Variants in RBFOX2 observed in about 807,000 individuals in gnomAD.
The protein encoded by RBFOX2 is RNA binding protein fox-1 homolog 2.
RBFOX2 carries 10 observed loss-of-function variants against 49.1 expected under a neutral mutation model. The ratio of observed to expected loss-of-function variants is 0.20; its 90% CI spans 0.13 to 0.35. RBFOX2 has a LOEUF of 0.35. Among genes scored for constraint, RBFOX2 ranks in the 10% least tolerant of loss-of-function variants. The pLI, the probability that RBFOX2 is intolerant of heterozygous loss-of-function variation, is 1.00. For missense variants in RBFOX2, 323 were observed against 486.9 expected (o/e 0.66, Z 3.17); for synonymous variants, 183 against 187.4 (o/e 0.98, Z 0.19).
At chr22:35,966,652 C>A (rs530265998), upstream of RBFOX2, among the ~76,000 whole-genome samples, 163 of 152,172 alleles carry the variant, frequency 1.1e-3, no homozygotes, top group African/African-American at 3.7e-3. Context: ...ATATTTTGCC[C>A]ATTTTGCTAC....
rs58893763 is a variant in RBFOX2, at chr22:35,909,396, A to G, written c.-34+29451T>C. Among the ~76,000 whole-genome samples the G allele has an allele frequency of 3.2e-3, 484 of 152,300 alleles. 1 individual carries two copies. The highest frequency in any genetic ancestry group is 0.011 in the African/African-American group (454 of 41,562). ...GAGTTGAGAGGTTGTAAGGGGAGAA[A>G]AAGAACAACAGCAGTAAAAGGCTTA... is the stretch of plus-strand genomic sequence containing the variant. On this transcript the variant is annotated intron_variant, in intron 1 of 13. Transcript: ENST00000359369.
intron 1 of RBFOX2, among the ~76,000 whole-genome samples, chr22:35,860,666 T>C (rs1251485886): frequency 6.6e-6 from 1 of 152,212 alleles, no homozygotes; most frequent in Non-Finnish European, 1.5e-5. Flanking sequence ...TTGGCTATTC[T>C]AGGTCTTTGG....
chr22:35,858,848 A>AATTAAGCT (rs1465093977), intron 1 of RBFOX2, among the ~76,000 whole-genome samples: 8 of 150,930 alleles, frequency 5.3e-5, no homozygotes, highest in Non-Finnish European at 8.9e-5. Context: ...AAAAAAAAAG[A>AATTAAGCT]ATTAAGCTAA....
In RBFOX2 at chr22:35,746,769, A is replaced by C. The variant is rs145059250; in HGVS notation, c.888-208T>G. The C allele has an allele frequency of 1.6e-3, 635 of 392,632 alleles. 1 individual carries two copies. The highest frequency in any genetic ancestry group is 0.016 in the East Asian group (426 of 27,430). The allele number at this position is 392,632 out of a possible 1,614,324, so 24.3% of individuals were successfully genotyped here. On this transcript the variant is annotated intron_variant, in intron 9 of 11. Transcript: ENST00000405409. The stretch of plus-strand genomic sequence containing the variant: ...AAAAAATTAAGCCCTACGATATGCA[A>C]GGATTTGCTTTCCAATTTGTGATAG...
chr22:35,809,252 G>T (rs1951350182), intron 2 of RBFOX2, among the ~76,000 whole-genome samples: 1 of 152,018 alleles, frequency 6.6e-6, no homozygotes, highest in Non-Finnish European at 1.5e-5. Flanking sequence ...TAAATAACTG[G>T]TCCAAGGTCA....
intron 2 of RBFOX2, among the ~76,000 whole-genome samples, chr22:35,799,082 A>T (rs1169242875): frequency 6.6e-6 from 1 of 152,190 alleles, no homozygotes; most frequent in Non-Finnish European, 1.5e-5. Flanking sequence ...TGTATCCATA[A>T]TATACCAATA....
intron 1 of RBFOX2, among the ~76,000 whole-genome samples, chr22:35,824,726 T>C (rs749176221): frequency 7.2e-5 from 11 of 152,248 alleles, no homozygotes; most frequent in African/African-American, 2.4e-4. Context: ...ATTTTAATAG[T>C]TGTTTAGTAA....
intron 8 of RBFOX2, among the ~76,000 whole-genome samples, chr22:35,760,499 G>T (rs760964130): frequency 3.3e-5 from 5 of 151,996 alleles, no homozygotes; most frequent in Non-Finnish European, 7.4e-5. Flanking sequence ...TTTTTACATG[G>T]TACCAACCTC....
intron 1 of RBFOX2, among the ~76,000 whole-genome samples, chr22:35,970,802 A>C (rs2056829287): frequency 6.6e-6 from 1 of 152,200 alleles, no homozygotes; most frequent in South Asian, 2.1e-4. Flanking sequence ...GTCTATCCTA[A>C]TAAGCTCACA....
chr22:35,740,936 A>G (rs1929635523), exon 12 of RBFOX2: 1 of 152,258 alleles, frequency 6.6e-6, no homozygotes, highest in Non-Finnish European at 1.5e-5. Context: ...AAAAGCTGCT[A>G]TCGATGACTT....
intron 1 of RBFOX2, among the ~76,000 whole-genome samples, chr22:35,988,956 G>A (rs1241466838): frequency 2.0e-5 from 3 of 152,230 alleles, no homozygotes; most frequent in African/African-American, 4.8e-5. Context: ...TTGGGAGACC[G>A]AGGCGGGCAG....
At chr22:36,025,523 T>C (rs1038821849) in intron 1 of RBFOX2, among the ~76,000 whole-genome samples, 6 of 152,218 alleles carry the variant, frequency 3.9e-5, no homozygotes, top group African/African-American at 1.4e-4. Context: ...TGTTCACTAT[T>C]ATATCTCTTA....
chr22:35,896,659 C>A (rs1209484524), intron 1 of RBFOX2, among the ~76,000 whole-genome samples: 1 of 152,200 alleles, frequency 6.6e-6, no homozygotes, highest in Non-Finnish European at 1.5e-5. Context: ...TGAACGCATG[C>A]TTTCCGCAGA....
chr22:35,811,855 T>C, intron 1 of RBFOX2, among the ~76,000 whole-genome samples: 1 of 149,646 alleles, frequency 6.7e-6, no homozygotes, highest in East Asian at 2.0e-4. Flanking sequence ...CAGCTACTTG[T>C]GAGGCTGAGA....
At chr22:36,009,764 T>C (rs2058745080) in intron 1 of RBFOX2, among the ~76,000 whole-genome samples, 1 of 152,200 alleles carries the variant, frequency 6.6e-6, no homozygotes, top group Non-Finnish European at 1.5e-5. Flanking sequence ...AGAGTATCTA[T>C]TACCACAGAG....
rs140170289 is a variant in RBFOX2 at position 35,862,273 on chromosome 22, T to C, written c.-33-52269A>G. On this transcript the variant is annotated intron_variant, in intron 1 of 13. Transcript: ENST00000359369. ...ATTAATTTTATATAGGTGCAGTTCA[T>C]TGTATATCAATTATACCTCCATCGA... is the stretch of plus-strand genomic sequence containing the variant. Among the ~76,000 whole-genome samples the C allele has an allele frequency of 1.3e-3, 202 of 152,152 alleles. 2 individuals carry two copies. The highest frequency in any genetic ancestry group is 4.3e-3 in the African/African-American group (178 of 41,510).
intron 1 of RBFOX2, among the ~76,000 whole-genome samples, chr22:35,850,344 G>A (rs892565508): frequency 6.6e-6 from 1 of 152,046 alleles, no homozygotes; most frequent in African/African-American, 2.4e-5. Flanking sequence ...GCAGTAAGGG[G>A]ATCCCTTTCA....
chr22:35,962,610 T>TC (rs2056298890), upstream of RBFOX2, among the ~76,000 whole-genome samples: 1 of 152,194 alleles, frequency 6.6e-6, no homozygotes. Context: ...CATAACTTCT[T>TC]GAACCACAGG....
At chr22:35,860,905 C>G (rs1235336823) in intron 1 of RBFOX2, among the ~76,000 whole-genome samples, 1 of 152,142 alleles carries the variant, frequency 6.6e-6, no homozygotes, top group Non-Finnish European at 1.5e-5. Flanking sequence ...GTACTGAAAT[C>G]GAATGCTATA....
Sources: allele counts gnomAD v4.1 joint callset (sites outside exome capture counted in the v4.1 genomes callset), GRCh38; gene constraint gnomAD v4.1.1; transcripts MANE v1.5; gene names NCBI Gene and HGNC (gene_info 2026-07-23, HGNC 2026-07-21).